Variants in MBD5 observed in about 807,000 individuals in gnomAD.
The protein encoded by MBD5 is methyl-CpG binding domain protein 5, also known as methyl-CpG-binding domain protein 5.
Under a neutral mutation model 117.3 loss-of-function variants are expected in MBD5, and 13 were observed. The observed-to-expected ratio is 0.11, with a 90% CI of 0.07 to 0.18. The LOEUF (loss-of-function observed/expected upper bound fraction) is 0.18, where lower values mean the gene tolerates loss of function less well. Among genes scored for constraint, MBD5 ranks in the 10% least tolerant of loss-of-function variants. The probability of loss-of-function intolerance (pLI) is 1.00; values close to 1 mark genes in which losing one functional copy is unlikely to be tolerated. For missense variants in MBD5, 1,879 were observed against 2,093.8 expected, an observed-to-expected ratio of 0.90 and a Z score of 2.00; for synonymous variants, 727 against 766.4, an observed-to-expected ratio of 0.95 and a Z score of 0.85.
rs1681447054 is a variant in MBD5, at chr2:148,489,485, T to C, written c.3853T>C (p.Phe1285Leu). 1.2e-6 allele frequency: 2 copies of C among 1,614,200 alleles called. No individual in the cohort carries two copies. Among genetic ancestry groups the C allele is most frequent in the East Asian group, 4.5e-5 (2 of 44,886 alleles). ...PENPNTTLPP[F>L]QDTPCELQPR... ...GAATCCAAACACTACACTTCCACCT[T>C]TTCAAGATACACCTTGTGAGTTGCA... Residue 1285 changes from phenylalanine (F) to leucine (L), a missense_variant, in exon 11 of 14, where the codon TTT (phenylalanine) becomes CTT (leucine). This residue lies in a region of MBD5 where 1,666 missense variants were observed against 1,792.2 expected (regional missense o/e 0.93). Coordinates refer to ENST00000642680, the MANE Select transcript of MBD5 (RefSeq NM_001378120.1).
At chr2:148,254,269 T>A (rs1042545860) in intron 3 of MBD5, among the ~76,000 whole-genome samples, 2 of 152,280 alleles carry the variant, frequency 1.3e-5, no homozygotes, top group East Asian at 3.9e-4. Flanking sequence ...AGGTAAAACA[T>A]TGTGTTCCTA....
Position 148,408,264 on chromosome 2 carries a change from G to T in MBD5, c.-556-49939G>T, listed in dbSNP as rs541738788. Among the ~76,000 whole-genome samples the T allele has an allele frequency of 1.2e-3, 183 of 152,252 alleles. 1 individual carries two copies. The highest frequency in any genetic ancestry group is 4.2e-3 in the African/African-American group (174 of 41,564). ...TTAACATTAGATTGATTTGCCCAGA[G>T]ATAAAATTGCTTGCATCATTTCATC... On this transcript the variant is annotated intron_variant, in intron 4 of 13. Coordinates refer to ENST00000642680, the MANE Select transcript of MBD5 (RefSeq NM_001378120.1).
intron 3 of MBD5, among the ~76,000 whole-genome samples, chr2:148,310,607 AT>A (rs1397772234): frequency 3.9e-5 from 6 of 151,972 alleles, no homozygotes; most frequent in Non-Finnish European, 8.8e-5. Flanking sequence ...TCCTGGATTC[AT>A]TGATTTTTTT....
chr2:148,212,610 A>T (rs539269208), intron 2 of MBD5, among the ~76,000 whole-genome samples: 1 of 152,250 alleles, frequency 6.6e-6, no homozygotes, highest in South Asian at 2.1e-4. Flanking sequence ...ATATATGTGT[A>T]TGTTTTAATT....
intron 1 of MBD5, chr2:148,044,632 G>C (rs551466629): frequency 6.6e-6 from 1 of 152,166 alleles, no homozygotes; most frequent in African/African-American, 2.4e-5. Flanking sequence ...TTCTGTGTGG[G>C]AAAAATATAT....
At chr2:148,470,802 T>G in intron 8 of MBD5, 1 of 290,664 alleles carries the variant, frequency 3.4e-6, no homozygotes, top group Non-Finnish European at 6.3e-6. Flanking sequence ...ATGTCCTTGG[T>G]CTATGCCAAT....
intron 1 of MBD5, among the ~76,000 whole-genome samples, chr2:148,079,040 T>C (rs978108929): frequency 2.0e-5 from 3 of 152,232 alleles, no homozygotes; most frequent in African/African-American, 4.8e-5. Flanking sequence ...GGTAGTGATC[T>C]TCTTGATGCA....
intron 1 of MBD5, chr2:148,053,929 ACAGGGTTTTGCTTTGT>A (rs1017634452): frequency 7.7e-6 from 1 of 129,038 alleles, no homozygotes; most frequent in African/African-American, 3.0e-5. Context: ...TTTTTCTATG[ACAGGGTTTTGCTTTGT>A]CATCCTGGCC....
chr2:148,327,671 G>A (rs1462245394), intron 3 of MBD5, among the ~76,000 whole-genome samples: 29 of 151,518 alleles, frequency 1.9e-4, no homozygotes, highest in Non-Finnish European at 2.9e-5. Flanking sequence ...CATAGTTATC[G>A]AGCCTTGGTT....
chr2:148,417,921 C>A (rs1037137381), intron 4 of MBD5, among the ~76,000 whole-genome samples: 1 of 151,906 alleles, frequency 6.6e-6, no homozygotes, highest in Non-Finnish European at 1.5e-5. Flanking sequence ...CTCACTGTGA[C>A]CTCCGCCTCC....
chr2:148,383,699 C>T (rs1486869755), intron 4 of MBD5, among the ~76,000 whole-genome samples: 1 of 151,858 alleles, frequency 6.6e-6, no homozygotes, highest in Non-Finnish European at 1.5e-5. Flanking sequence ...AACATTGATG[C>T]AAAAATCTTC....
chr2:148,465,635 A>G (rs1351067390), intron 7 of MBD5, among the ~76,000 whole-genome samples: 1 of 152,154 alleles, frequency 6.6e-6, no homozygotes, highest in Non-Finnish European at 1.5e-5. Context: ...AACCTTCTCC[A>G]TAATGAGTGT....
chr2:148,390,583 A>G (rs1704543196), intron 4 of MBD5, among the ~76,000 whole-genome samples: 1 of 149,798 alleles, frequency 6.7e-6, no homozygotes, highest in Non-Finnish European at 1.5e-5. Context: ...ATATATATAT[A>G]CATACTTTTT....
intron 1 of MBD5, among the ~76,000 whole-genome samples, chr2:148,080,135 G>T (rs1217546469): frequency 6.6e-6 from 1 of 152,152 alleles, no homozygotes; most frequent in Admixed American, 6.5e-5. Context: ...TAAGGTGAAG[G>T]TGATGTTGGA....
At chr2:148,159,053 G>A (rs760713955) in intron 1 of MBD5, among the ~76,000 whole-genome samples, 1 of 152,034 alleles carries the variant, frequency 6.6e-6, no homozygotes. Flanking sequence ...ATAAAAACAC[G>A]GTAAAGTAAA....
chr2:148,426,543 A>C (rs533605826), intron 4 of MBD5, among the ~76,000 whole-genome samples: 1 of 152,064 alleles, frequency 6.6e-6, no homozygotes, highest in Admixed American at 6.5e-5. Context: ...CAAAAATAAG[A>C]AATGGGGAAA....
At chr2:148,361,885 G>A (rs1440192180) in intron 4 of MBD5, among the ~76,000 whole-genome samples, 1 of 152,180 alleles carries the variant, frequency 6.6e-6, no homozygotes. Context: ...AGCACAAGGG[G>A]TTGGGGAACT....
At chr2:148,290,662 T>C (rs1701479830) in intron 3 of MBD5, among the ~76,000 whole-genome samples, 1 of 152,224 alleles carries the variant, frequency 6.6e-6, no homozygotes, top group African/African-American at 2.4e-5. Context: ...GTATTTTTAA[T>C]GTTCATCAAT....
intron 4 of MBD5, among the ~76,000 whole-genome samples, chr2:148,448,297 A>G (rs1706627881): frequency 6.6e-6 from 1 of 151,994 alleles, no homozygotes; most frequent in Non-Finnish European, 1.5e-5. Context: ...TTCTTGAAAG[A>G]CCTTACCCGA....
Sources: gnomAD v4.1 joint callset for allele counts (sites outside exome capture counted in the v4.1 genomes callset) on GRCh38, gnomAD v4.1.1 for gene constraint, gnomAD v4.1.1 regional missense constraint, MANE v1.5 for transcripts, NCBI Gene and HGNC (gene_info 2026-07-23, HGNC 2026-07-21) for gene names.